Variants in CD109 observed in about 807,000 individuals in gnomAD.
The protein encoded by CD109 is CD109 antigen.
A neutral mutation model predicts 165.8 loss-of-function variants in CD109; 149 were observed. The observed-to-expected ratio is 0.90, with a 90% CI of 0.79 to 1.03. The LOEUF is 1.03. Ranked by LOEUF, CD109 falls within the 50% of genes least tolerant of loss-of-function variation. The pLI is 0.00. For missense variants in CD109, 1,712 were observed against 1,677.8 expected, an observed-to-expected ratio of 1.02 and a Z score of -0.36; for synonymous variants, 585 against 592.1, an observed-to-expected ratio of 0.99 and a Z score of 0.18.
At chr6:73,812,430 G>A (rs1406656964) in intron 29 of CD109, among the ~76,000 whole-genome samples, 160 bp downstream of exon 29, 2 of 152,084 alleles carry the variant, frequency 1.3e-5, no homozygotes, top group African/African-American at 4.8e-5. Flanking sequence ...AAAAGTATTA[G>A]AGATGTTGCC....
chr6:73,774,941 CTT>C (rs200608234), intron 15 of CD109, among the ~76,000 whole-genome samples: 2 of 143,392 alleles, frequency 1.4e-5, no homozygotes, highest in Non-Finnish European at 1.5e-5. Flanking sequence ...GTTTTGGCTT[CTT>C]TTTTTTTTTT....
chr6:73,827,757 G>T lies in CD109; in HGVS notation c.*4124G>T, dbSNP rs994186781. On this transcript the variant is annotated 3_prime_UTR_variant, in exon 33 of 33. Transcript: ENST00000287097. ...ATTTCAGTTGTAACATAGGAAAATA[G>T]ATATTTCCTAGATGATTTCTGAGTT... 3 of 152,110 alleles carry T rather than the reference G, an allele frequency of 2.0e-5. No homozygotes were observed. The highest frequency in any genetic ancestry group is 7.2e-5 in the African/African-American group (3 of 41,422). The allele number at this position is 152,110 out of a possible 1,614,324, so 9.4% of individuals were successfully genotyped here.
chr6:73,739,658 C>G (rs1320920644), intron 5 of CD109, among the ~76,000 whole-genome samples: 1 of 151,966 alleles, frequency 6.6e-6, no homozygotes, highest in East Asian at 1.9e-4. Flanking sequence ...ACCATCTTGG[C>G]TAATACAGTG....
the CD109 span, among the ~76,000 whole-genome samples, chr6:73,686,629 TTAAAAA>T: frequency 6.6e-6 from 1 of 152,208 alleles, no homozygotes; most frequent in African/African-American, 2.4e-5. Flanking sequence ...ATGTGGCTAC[TTAAAAA>T]TATAAATTAA....
At chr6:73,815,616 G>C (rs1330419444) in intron 30 of CD109, among the ~76,000 whole-genome samples, 1 of 151,954 alleles carries the variant, frequency 6.6e-6, no homozygotes, top group African/African-American at 2.4e-5. Context: ...TCTCATCTTG[G>C]ATAATTAGAC....
At chr6:73,748,346 G>A (rs1011395694) in intron 5 of CD109, among the ~76,000 whole-genome samples, 3 of 152,068 alleles carry the variant, frequency 2.0e-5, no homozygotes, top group Admixed American at 6.5e-5. Context: ...ACTTTCCACT[G>A]GCCTCAGAAC....
chr6:73,740,774 G>A (rs1189075204), intron 5 of CD109, among the ~76,000 whole-genome samples: 3 of 151,656 alleles, frequency 2.0e-5, no homozygotes, highest in Admixed American at 2.0e-4. Flanking sequence ...TGTATTTTTA[G>A]TAGAGACGGT....
At chr6:73,740,144 G>T (rs764410509) in intron 5 of CD109, among the ~76,000 whole-genome samples, 2 of 152,188 alleles carry the variant, frequency 1.3e-5, no homozygotes, top group African/African-American at 4.8e-5. Flanking sequence ...CTCACAAAGT[G>T]CTGGGATTAC....
chr6:73,783,800 T>C lies in CD109; in HGVS notation c.2199T>C (p.Leu733=). 1 of 1,605,102 alleles carries C rather than the reference T, an allele frequency of 6.2e-7. No individual in the cohort carries two copies. The highest frequency in any genetic ancestry group is 1.1e-5 in the South Asian group (1 of 90,832). Residue 733 remains leucine (L), a synonymous_variant, in exon 19 of 33, where the codon CTT becomes CTC. Transcript: ENST00000287097. ...TTGTGATCTCTGAGGACCTGGGTCT[T>C]GGACTAACAACTACTCCAGTGGAGG... is the stretch of plus-strand genomic sequence containing the variant. ...TGFVISEDLG[L]GLTTTPVELQ...
chr6:73,804,523 C>A (rs555112237), intron 24 of CD109, among the ~76,000 whole-genome samples: 4 of 152,214 alleles, frequency 2.6e-5, no homozygotes, highest in Admixed American at 6.5e-5. Context: ...CTTTTAAAAC[C>A]CGCTCTTAGG....
At chr6:73,759,331 C>T (rs73460310) in intron 7 of CD109, among the ~76,000 whole-genome samples, 1,912 of 151,846 alleles carry the variant, frequency 0.013, 42 homozygotes, top group African/African-American at 0.043. Flanking sequence ...TTGAAGCCAC[C>T]ACGCCTGGCT....
At chr6:73,806,696 T>C (rs1775578106) in intron 24 of CD109, 148 bp from the exon 25 acceptor site, 1 of 605,690 alleles carries the variant, frequency 1.7e-6, no homozygotes, top group East Asian at 2.8e-5. Context: ...TCTTTTTTGA[T>C]TTTTTTCTTT....
intron 15 of CD109, among the ~76,000 whole-genome samples, chr6:73,772,076 A>G (rs1032520364): frequency 1.3e-5 from 2 of 152,206 alleles, no homozygotes; most frequent in Admixed American, 1.3e-4. Flanking sequence ...CTTCATTTTC[A>G]TACTACATTT....
chr6:73,721,214 A>T (rs1419714161), intron 2 of CD109, among the ~76,000 whole-genome samples: 1 of 152,148 alleles, frequency 6.6e-6, no homozygotes, highest in Non-Finnish European at 1.5e-5. Context: ...GTGGTAAGTG[A>T]TGGTGATGAA....
At chr6:73,785,515 A>C in intron 20 of CD109, 38 bp downstream of exon 20, 1 of 1,196,670 alleles carries the variant, frequency 8.4e-7, no homozygotes, top group South Asian at 1.3e-5. Context: ...TTTACACTAC[A>C]GGAGAAAATC....
chr6:73,711,772 C>T (rs1216547408), intron 2 of CD109, among the ~76,000 whole-genome samples: 1 of 6,936 alleles, frequency 1.4e-4, no homozygotes, highest in African/African-American at 2.8e-4. Flanking sequence ...CTCTTGACCT[C>T]GTGATCCGCC....
chr6:73,785,130 G>C (rs930202375), intron 19 of CD109, among the ~76,000 whole-genome samples: 24 of 152,156 alleles, frequency 1.6e-4, no homozygotes, highest in African/African-American at 5.8e-4. Flanking sequence ...GAAGTGTTTG[G>C]TTGCTATAAG....
intron 7 of CD109, among the ~76,000 whole-genome samples, chr6:73,760,627 C>T (rs1166806205): frequency 1.3e-5 from 2 of 151,908 alleles, no homozygotes; most frequent in Non-Finnish European, 2.9e-5. Context: ...GGGTGGATCA[C>T]TTGAGGTCAG....
intron 3 of CD109, among the ~76,000 whole-genome samples, chr6:73,729,086 G>T (rs1210261363): frequency 6.6e-6 from 1 of 152,182 alleles, no homozygotes; most frequent in East Asian, 1.9e-4. Flanking sequence ...TTGGTGGGAG[G>T]CCCTGGTTCC....
Sources: allele counts gnomAD v4.1 joint callset (sites outside exome capture counted in the v4.1 genomes callset), GRCh38; gene constraint gnomAD v4.1.1; transcripts MANE v1.5; gene names NCBI Gene and HGNC (gene_info 2026-07-23, HGNC 2026-07-21).